The following KIRREL3 variants were observed in gnomAD, a reference collection of about 807,000 sequenced individuals.
KIRREL3 encodes kirre like nephrin family adhesion molecule 3, also known as kin of IRRE-like protein 3.
Under a neutral mutation model 89.7 loss-of-function variants are expected in KIRREL3, and 36 were observed. The observed-to-expected ratio is 0.40, with a 90% confidence interval of 0.31 to 0.53. KIRREL3 has a LOEUF of 0.53. Among genes scored for constraint, KIRREL3 ranks in the 20% least tolerant of loss-of-function variants. The probability of loss-of-function intolerance (pLI) is 0.49; values close to 1 mark genes in which losing one functional copy is unlikely to be tolerated. For missense variants in KIRREL3, 864 were observed against 1,056.6 expected, an observed-to-expected ratio of 0.82 and a Z score of 2.53; for synonymous variants, 445 against 441.4, an observed-to-expected ratio of 1.01 and a Z score of -0.10.
In KIRREL3 at chr11:126,537,108, T is replaced by C. The variant is rs1937959520; in HGVS notation, c.134-10421A>G. On this transcript the variant is annotated intron_variant, in intron 2 of 16. Coordinates refer to ENST00000525144, the MANE Select transcript of KIRREL3 (RefSeq NM_032531.4). This position sits in a 1 kb window ranked among gnomAD's most constrained non-coding sequence, Gnocchi z 4.3. ...GGGGACATGACCACTCCCCTTAGGATTAAACCCAGTCAGACCTGGACAGGA... is the reference window on the plus strand; with the variant it reads ...GGGGACATGACCACTCCCCTTAGGACTAAACCCAGTCAGACCTGGACAGGA... Among the ~76,000 whole-genome samples, 1 of 152,156 alleles carries C rather than the reference T, an allele frequency of 6.6e-6. No individual in the cohort carries two copies.
At position 126,571,786 on chromosome 11, in the gene KIRREL3, T is replaced by G. The variant is rs903591491; in HGVS notation, c.56-8874A>C. On this transcript the variant is annotated intron_variant, in intron 1 of 16. Coordinates refer to ENST00000525144, the MANE Select transcript of KIRREL3 (RefSeq NM_032531.4). This position sits in a 1 kb window ranked among gnomAD's most constrained non-coding sequence, Gnocchi z 7.7. ...TGGGGCGGGGGGATGTTAAATAATG[T>G]TGGTTAAAGAATTTTACGGGAAACA... Among the ~76,000 whole-genome samples, 1 of 152,206 alleles carries G rather than the reference T, an allele frequency of 6.6e-6. No homozygotes were observed. The highest frequency in any genetic ancestry group is 1.5e-5 in the Non-Finnish European group (1 of 68,038).
rs560921675 is a variant in KIRREL3, at chr11:126,912,294, A to G, written c.55+88161T>C. On this transcript the variant is annotated intron_variant, in intron 1 of 16. Transcript: ENST00000525144. This position sits in a 1 kb window ranked among gnomAD's most constrained non-coding sequence, Gnocchi z 4.7. ...AAACCGGCCGAGAGTGGCTCTGAGG[A>G]CCTGCAGGTGCTGCCCACATGTGCC... 1.3e-5 allele frequency among the ~76,000 whole-genome samples: 2 copies of G among 152,200 alleles called. No individual in the cohort carries two copies. Among genetic ancestry groups the G allele is most frequent in the Admixed American group, 1.3e-4 (2 of 15,296 alleles).
chr11:126,444,623 C>T lies in KIRREL3; in HGVS notation c.1252+356G>A, dbSNP rs546792725. On this transcript the variant is annotated intron_variant, in intron 10 of 16. Coordinates refer to ENST00000525144, the MANE Select transcript of KIRREL3 (RefSeq NM_032531.4). ...GCAAAAAACCAACAAAAAATTCTCA[C>T]GGGCCAAGGCCATGGTGAGTGGATG... 3.7e-4 allele frequency among the ~76,000 whole-genome samples: 57 copies of T among 152,298 alleles called. No individual in the cohort carries two copies. In the South Asian group the frequency reaches 5.4e-3, roughly 14 times the overall value.
rs984683421 is a variant in KIRREL3, at chr11:126,748,544, G to C, written c.56-185632C>G. 3.9e-5 allele frequency among the ~76,000 whole-genome samples: 6 copies of C among 152,160 alleles called. No individual in the cohort carries two copies. Among genetic ancestry groups the C allele is most frequent in the Non-Finnish European group, 7.3e-5 (5 of 68,028 alleles). Reference sequence around the variant, plus strand: ...GGCCTGGCTCCGTTCAAGTGCTTAGGCAGGGACCATTAATATTGTTGAAGG... The same window carrying C: ...GGCCTGGCTCCGTTCAAGTGCTTAGCCAGGGACCATTAATATTGTTGAAGG... On this transcript the variant is annotated intron_variant, in intron 1 of 16. Transcript: ENST00000525144. This position sits in a 1 kb window ranked among gnomAD's most constrained non-coding sequence, Gnocchi z 4.6.
intron 1 of KIRREL3, among the ~76,000 whole-genome samples, chr11:126,660,682 A>C (rs1945358031): frequency 6.6e-6 from 1 of 152,180 alleles, no homozygotes; most frequent in African/African-American, 2.4e-5. Context: ...CCAGAGAAGC[A>C]ATCTTGTTCA....
intron 1 of KIRREL3, among the ~76,000 whole-genome samples, chr11:126,800,150 G>T (rs1950985137): frequency 6.6e-6 from 1 of 152,166 alleles, no homozygotes; most frequent in African/African-American, 2.4e-5. Context: ...ACTCAGGTCT[G>T]GCATCACCAA....
chr11:126,762,535 G>T lies in KIRREL3; in HGVS notation c.56-199623C>A, dbSNP rs374586571. 5.1e-4 allele frequency among the ~76,000 whole-genome samples: 77 copies of T among 152,280 alleles called. No homozygotes were observed. The East Asian group carries it at 0.013, about 25-fold the overall frequency. On this transcript the variant is annotated intron_variant, in intron 1 of 16. Coordinates refer to ENST00000525144, the MANE Select transcript of KIRREL3 (RefSeq NM_032531.4). ...TTGGGCAATGGGAGGTGAGCAGAAGGGCTGTGTAAAACTTCCAGATGAAGC... is the reference window on the plus strand; with the variant it reads ...TTGGGCAATGGGAGGTGAGCAGAAGTGCTGTGTAAAACTTCCAGATGAAGC...
In KIRREL3 at chr11:126,923,073, C is replaced by T. The variant is rs867961228; in HGVS notation, c.55+77382G>A. On this transcript the variant is annotated intron_variant, in intron 1 of 16. Transcript: ENST00000525144. Reference sequence around the variant, plus strand: ...TCCTTCTCTGGATGTTTCTGCTCAGCTTGCCTTGTGGATCTTCTTCTTCTT... The same window carrying T: ...TCCTTCTCTGGATGTTTCTGCTCAGTTTGCCTTGTGGATCTTCTTCTTCTT... 3.3e-5 allele frequency among the ~76,000 whole-genome samples: 5 copies of T among 149,642 alleles called. 1 individual carries two copies. The Middle Eastern group carries it at 0.011, about 321-fold the overall frequency.
chr11:126,924,739 C>T lies in KIRREL3; in HGVS notation c.55+75716G>A, dbSNP rs527415051. Among the ~76,000 whole-genome samples, 16 of 152,196 alleles carry T rather than the reference C, an allele frequency of 1.1e-4. No homozygotes were observed. The highest frequency in any genetic ancestry group is 1.9e-4 in the Non-Finnish European group (13 of 68,036). On this transcript the variant is annotated intron_variant, in intron 1 of 16. Transcript: ENST00000525144. This position sits in a 1 kb window ranked among gnomAD's most constrained non-coding sequence, Gnocchi z 4.7. ...GAGCTCACCCTGGCTTCTGCCATTG[C>T]TTGGCCAAGGTGATTAACTGGATGC...
At chr11:126,466,520 C>T (rs908594606) in intron 5 of KIRREL3, among the ~76,000 whole-genome samples, 2 of 152,172 alleles carry the variant, frequency 1.3e-5, no homozygotes, top group East Asian at 1.9e-4. Flanking sequence ...CAGGACAGGG[C>T]GGGATGTGGA....
rs932877493 is a variant in KIRREL3, at chr11:126,843,199, A to C, written c.55+157256T>G. On this transcript the variant is annotated intron_variant, in intron 1 of 16. Transcript: ENST00000525144. The surrounding 1 kb of genome is among the most constrained non-coding windows in gnomAD (Gnocchi z 4.6). The stretch of plus-strand genomic sequence containing the variant: ...CTCTGGGAGGAAGATACGGTCTCTG[A>C]GCAAGACAAAAACAAGAAAAAAACA... 5.3e-5 allele frequency among the ~76,000 whole-genome samples: 8 copies of C among 152,192 alleles called. No individual in the cohort carries two copies. The highest frequency in any genetic ancestry group is 5.2e-4 in the Admixed American group (8 of 15,276).
intron 6 of KIRREL3, 41 bp from the exon 7 acceptor site, chr11:126,456,495 TG>T: frequency 1.5e-6 from 2 of 1,336,608 alleles, no homozygotes; most frequent in Non-Finnish European, 1.0e-6. Context: ...GGAGAAAGAA[TG>T]GGGGCAGGGA....
At chr11:126,549,057 G>C (rs1939047798) in intron 2 of KIRREL3, among the ~76,000 whole-genome samples, 1 of 152,184 alleles carries the variant, frequency 6.6e-6, no homozygotes, top group Non-Finnish European at 1.5e-5. Context: ...GTTGAGAAGT[G>C]CTGCTCTTTA....
At position 126,744,155 on chromosome 11, in the gene KIRREL3, C is replaced by G. The variant is rs1949067441; in HGVS notation, c.56-181243G>C. Among the ~76,000 whole-genome samples, 1 of 151,984 alleles carries G rather than the reference C, an allele frequency of 6.6e-6. No homozygotes were observed. Among genetic ancestry groups the G allele is most frequent in the Non-Finnish European group, 1.5e-5 (1 of 68,018 alleles). ...TTGGGAAAGTGGTGGACAGGCCATT[C>G]ATGGAAGGCTTCCAATGGCTGAAGG... is the stretch of plus-strand genomic sequence containing the variant. On this transcript the variant is annotated intron_variant, in intron 1 of 16. Coordinates refer to ENST00000525144, the MANE Select transcript of KIRREL3 (RefSeq NM_032531.4). The surrounding 1 kb of genome is among the most constrained non-coding windows in gnomAD (Gnocchi z 4.7).
intron 1 of KIRREL3, among the ~76,000 whole-genome samples, chr11:126,888,074 T>C (rs969720646): frequency 6.6e-6 from 1 of 152,198 alleles, no homozygotes; most frequent in Non-Finnish European, 1.5e-5. Context: ...AGGGGAGGAC[T>C]GAAAGTAAAA....
chr11:126,776,778 C>G lies in KIRREL3; in HGVS notation c.56-213866G>C, dbSNP rs192238861. On this transcript the variant is annotated intron_variant, in intron 1 of 16. Transcript: ENST00000525144. This position sits in a 1 kb window ranked among gnomAD's most constrained non-coding sequence, Gnocchi z 4.7. ...CCAAGTCCTCTCCCTGCTGCTCTTT[C>G]CCATGGGAAGGGAGCATTTTCAGAG... Among the ~76,000 whole-genome samples the G allele has an allele frequency of 2.2e-4, 33 of 152,304 alleles. No individual in the cohort carries two copies. The highest frequency in any genetic ancestry group is 4.3e-4 in the Non-Finnish European group (29 of 68,038).
chr11:126,891,021 T>C lies in KIRREL3; in HGVS notation c.55+109434A>G, dbSNP rs1472605596. On this transcript the variant is annotated intron_variant, in intron 1 of 16. Coordinates refer to ENST00000525144, the MANE Select transcript of KIRREL3 (RefSeq NM_032531.4). This position sits in a 1 kb window ranked among gnomAD's most constrained non-coding sequence, Gnocchi z 5.1. ...AATGAGGTTTATTGTTTGTGCTTAG[T>C]AATTTTCAAAGGCCCATCACCCTCT... Among the ~76,000 whole-genome samples, 1 of 152,240 alleles carries C rather than the reference T, an allele frequency of 6.6e-6. No homozygotes were observed. Among genetic ancestry groups the C allele is most frequent in the African/African-American group, 2.4e-5 (1 of 41,476 alleles).
At chr11:126,629,443 T>C (rs1159427032) in intron 1 of KIRREL3, among the ~76,000 whole-genome samples, 1 of 152,172 alleles carries the variant, frequency 6.6e-6, no homozygotes, top group East Asian at 1.9e-4. Flanking sequence ...TTATGGGGCC[T>C]CTCACGATAC....
At chr11:126,818,618 AGTAGTAGTG>A (rs1951661485) in intron 1 of KIRREL3, among the ~76,000 whole-genome samples, 1 of 72,930 alleles carries the variant, frequency 1.4e-5, no homozygotes, top group African/African-American at 3.6e-5. Flanking sequence ...TAGTAGTAGT[AGTAGTAGTG>A]TGTGTGTGTG....
Sources: gnomAD v4.1 joint callset for allele counts (sites outside exome capture counted in the v4.1 genomes callset) on GRCh38, gnomAD v4.1.1 for gene constraint, Gnocchi (gnomAD v3.1) non-coding constraint, MANE v1.5 for transcripts, NCBI Gene and HGNC (gene_info 2026-07-23, HGNC 2026-07-21) for gene names.